Variants in KRT78 observed in about 807,000 individuals in gnomAD.
The protein encoded by KRT78 is keratin 78, also known as keratin, type II cytoskeletal 78.
A neutral mutation model predicts 51.4 loss-of-function variants in KRT78; 55 were observed. The observed-to-expected ratio is 1.07, with a 90% CI of 0.86 to 1.34. The LOEUF is 1.34. Ranked by LOEUF, KRT78 falls within the 40% of genes most tolerant of loss-of-function variation. The probability of loss-of-function intolerance (pLI) is 0.00; values close to 1 mark genes in which losing one functional copy is unlikely to be tolerated. For missense variants in KRT78, 652 were observed against 649.4 expected (o/e 1.00, Z -0.04); for synonymous variants, 291 against 264.3 (o/e 1.10, Z -0.98).
In KRT78 at chr12:52,844,574, G is replaced by GGCCTCA. The variant is rs1940595159; in HGVS notation, c.900_905dup (p.Glu301_Ala302dup). On this transcript the variant is annotated inframe_insertion, in exon 5 of 9. Coordinates refer to ENST00000304620, the MANE Select transcript of KRT78 (RefSeq NM_173352.4). ...GTCCCACCACCTTGGTCTGGTACAA[G>GGCCTCA]GCCTCAGCCTCAGCCTTGCTGCTCC... 2.5e-6 allele frequency: 4 copies of GGCCTCA among 1,613,628 alleles called. No individual in the cohort carries two copies. Among genetic ancestry groups the GGCCTCA allele is most frequent in the Non-Finnish European group, 3.4e-6 (4 of 1,179,708 alleles).
chr12:52,844,161 C>A lies in KRT78; in HGVS notation c.979G>T (p.Val327Phe). ...TCTTGGTGTAGCTGAGAGATCTGGA[C>A]TTTCGTTTCCTGCATCCTGTCCCCA... ...LHGDRMQETKVQISQLHQEIQ... is the reference protein window; with the variant it reads ...LHGDRMQETKFQISQLHQEIQ... The change falls in exon 6 of 9, where the codon GTC (valine) becomes TTC (phenylalanine). Residue 327 changes from valine to phenylalanine, a missense_variant. Coordinates refer to ENST00000304620, the MANE Select transcript of KRT78 (RefSeq NM_173352.4). 1 of 1,611,996 alleles carries A rather than the reference C, an allele frequency of 6.2e-7. No individual in the cohort carries two copies. Among genetic ancestry groups the A allele is most frequent in the South Asian group, 1.1e-5 (1 of 90,718 alleles).
rs995393095 is a variant in KRT78 at position 52,838,946 on chromosome 12, C to A, written c.*167G>T. The A allele has an allele frequency of 2.6e-6, 2 of 777,632 alleles. No homozygotes were observed. Among genetic ancestry groups the A allele is most frequent in the African/African-American group, 3.5e-5 (2 of 57,806 alleles). The allele number at this position is 777,632 out of a possible 1,614,324, so 48.2% of individuals were successfully genotyped here. On this transcript the variant is annotated 3_prime_UTR_variant, in exon 9 of 9. Transcript: ENST00000304620. ...TGTTTTGCTGGGTGAGGTGTGCAAGCACTTAGAGCATTCAGAACAGCAGGA... is the reference window on the plus strand; with the variant it reads ...TGTTTTGCTGGGTGAGGTGTGCAAGAACTTAGAGCATTCAGAACAGCAGGA...
chr12:52,844,307 T>A, intron 5 of KRT78, 89 bp from the exon 6 acceptor site: 1 of 1,421,706 alleles, frequency 7.0e-7, no homozygotes, highest in Non-Finnish European at 9.5e-7. Context: ...CTCTCACTCC[T>A]TATTTGGAGT....
intron 4 of KRT78, among the ~76,000 whole-genome samples, chr12:52,845,342 C>A (rs930398242): frequency 6.6e-6 from 1 of 152,132 alleles, no homozygotes; most frequent in East Asian, 1.9e-4. Flanking sequence ...CTCCCTCTCG[C>A]TCCTACTACT....
rs1054974869 is a variant in KRT78 at position 52,839,903 on chromosome 12, C to G, written c.1129G>C (p.Glu377Gln). 6.2e-7 allele frequency: 1 copy of G among 1,614,092 alleles called. No individual in the cohort carries two copies. The highest frequency in any genetic ancestry group is 8.5e-7 in the Non-Finnish European group (1 of 1,180,020). Residue 377 changes from glutamate to glutamine, a missense_variant, in exon 7 of 9, where the codon GAG becomes CAG. Coordinates refer to ENST00000304620, the MANE Select transcript of KRT78 (RefSeq NM_173352.4). The stretch of plus-strand genomic sequence containing the variant: ...GCCATCCTCAGAGCAGCCTCCAGCT[C>G]GTCCACCTTGGCCTGAGCGTCCTTG... ...ALKDAQAKVDELEAALRMAKQ... is the reference protein window; with the variant it reads ...ALKDAQAKVDQLEAALRMAKQ...
At position 52,844,546 on chromosome 12, in the gene KRT78, C is replaced by A; in HGVS notation, c.921+13G>T. The A allele has an allele frequency of 6.2e-7, 1 of 1,609,696 alleles. No individual in the cohort carries two copies. On this transcript the variant is annotated intron_variant, in intron 5 of 8. Transcript: ENST00000304620. ...CCATTTCCAGCATGGTGCTGCCCCC[C>A]AGGTCCCACCACCTTGGTCTGGTAC...
intron 6 of KRT78, among the ~76,000 whole-genome samples, chr12:52,842,962 G>GAGAGAGAGAGAGAGAGA (rs1565698736): frequency 4.0e-5 from 1 of 25,222 alleles, no homozygotes; most frequent in African/African-American, 1.9e-4. Flanking sequence ...AGAGAGAGAG[G>GAGAGAGAGAGAGAGAGA]AAGGAAGGAA....
intron 4 of KRT78, among the ~76,000 whole-genome samples, chr12:52,845,090 A>T (rs1940610368): frequency 6.8e-6 from 1 of 146,000 alleles, no homozygotes; most frequent in Non-Finnish European, 1.5e-5. Flanking sequence ...ATCTCGGCTC[A>T]CTGTAACCTC....
Position 52,838,986 on chromosome 12 carries a change from G to T in KRT78, c.*127C>A. On this transcript the variant is annotated 3_prime_UTR_variant, in exon 9 of 9. Coordinates refer to ENST00000304620, the MANE Select transcript of KRT78 (RefSeq NM_173352.4). ...GAACAGCAGGAGGGGAGACTTTATT[G>T]ATTTTTGCAGCATCCGCTGTGGGCT... The T allele has an allele frequency of 8.8e-7, 1 of 1,135,856 alleles. No individual in the cohort carries two copies. Among genetic ancestry groups the T allele is most frequent in the Non-Finnish European group, 1.2e-6 (1 of 810,206 alleles). The allele number at this position is 1,135,856 out of a possible 1,614,324, so 70.4% of individuals were successfully genotyped here.
At chr12:52,848,414 G>A in intron 1 of KRT78, 133 bp downstream of exon 1, 2 of 1,424,488 alleles carry the variant, frequency 1.4e-6, no homozygotes, top group Non-Finnish European at 1.9e-6. Flanking sequence ...TTAGTCCACA[G>A]GAGGGACTTC....
rs760549337 is a variant in KRT78 at position 52,844,226 on chromosome 12, G to A, written c.922-8C>T. On this transcript the variant is annotated splice_region_variant and splice_polypyrimidine_tract_variant and intron_variant, in intron 5 of 8. Coordinates refer to ENST00000304620, the MANE Select transcript of KRT78 (RefSeq NM_173352.4). Reference sequence around the variant, plus strand: ...CACCTGAAGTTCCTGGTACTGAGAGGGGAACAGAGGGGACACCATTAGTTG... The same window carrying A: ...CACCTGAAGTTCCTGGTACTGAGAGAGGAACAGAGGGGACACCATTAGTTG... The A allele has an allele frequency of 6.3e-7, 1 of 1,582,332 alleles. No individual in the cohort carries two copies. The highest frequency in any genetic ancestry group is 8.5e-7 in the Non-Finnish European group (1 of 1,170,342).
Position 52,848,842 on chromosome 12 carries a change from A to T in KRT78, c.89T>A (p.Phe30Tyr), listed in dbSNP as rs780801966. 32 of 1,611,162 alleles carry T rather than the reference A, an allele frequency of 2.0e-5. No homozygotes were observed. The highest frequency in any genetic ancestry group is 2.6e-5 in the Non-Finnish European group (31 of 1,179,746). The part of the protein sequence containing the change: ...ARSRGRSRGG[F>Y]SSRGGFSSRS... ...GCTGCTGAAGCCGCCCCTGCTGCTG[A>T]AGCCTCCCCTGCTGCGGCCCCTTGA... The change falls in exon 1 of 9, where the codon TTC (phenylalanine) becomes TAC (tyrosine). Residue 30 changes from phenylalanine (F) to tyrosine (Y), a missense_variant. Coordinates refer to ENST00000304620, the MANE Select transcript of KRT78 (RefSeq NM_173352.4).
chr12:52,845,999 G>GTTATTCATTGATGTGTCCT, intron 4 of KRT78, 198 bp downstream of exon 4: 1 of 539,522 alleles, frequency 1.9e-6, no homozygotes, highest in Non-Finnish European at 3.3e-6. Flanking sequence ...TTTTTTTCTG[G>GTTATTCATTGATGTGTCCT]TTATTCATTG....
rs61754161 is a variant in KRT78 at position 52,848,811 on chromosome 12, G to A, written c.120C>T (p.Ser40=). The A allele has an allele frequency of 1.1e-3, 1,786 of 1,613,508 alleles. 3 individuals are homozygous for A. The highest frequency in any genetic ancestry group is 1.9e-3 in the East Asian group (85 of 44,850). ...CCAGGCACCCCCCAAAGGAATTAAG[G>A]CTCCTGCTGCTGAAGCCGCCCCTGC... is the stretch of plus-strand genomic sequence containing the variant. The part of the protein sequence containing the change: ...FSSRGGFSSR[S]LNSFGGCLEG... Residue 40 remains serine (S), a synonymous_variant, in exon 1 of 9, where the codon AGC becomes AGT. Coordinates refer to ENST00000304620, the MANE Select transcript of KRT78 (RefSeq NM_173352.4).
At chr12:52,844,814 T>C in intron 4 of KRT78, 91 bp from the exon 5 acceptor site, 1 of 1,264,208 alleles carries the variant, frequency 7.9e-7, no homozygotes, top group Non-Finnish European at 1.1e-6. Flanking sequence ...GAATTTCTGC[T>C]TACATGCCAT....
chr12:52,847,909 G>A lies in KRT78; in HGVS notation c.597C>T (p.Ser199=), dbSNP rs775703272. ...TGGGGAAATTTCAGTGTGCCTACTTGGACTTATACTCCTCCTCCTGGTCCC... is the reference window on the plus strand; with the variant it reads ...TGGGGAAATTTCAGTGTGCCTACTTAGACTTATACTCCTCCTCCTGGTCCC... The part of the protein sequence containing the change: ...ACRDQEEEYK[S]KYEEEAHRRA... Residue 199 remains serine, a splice_region_variant and synonymous_variant, in exon 2 of 9, where the codon TCC becomes TCT. Transcript: ENST00000304620. 1.9e-6 allele frequency: 3 copies of A among 1,613,680 alleles called. No homozygotes were observed. The African/African-American group carries it at 4.0e-5, about 22-fold the overall frequency.
rs763996062 is a variant in KRT78 at position 52,846,807 on chromosome 12, T to C, written c.617A>G (p.His206Arg). ...GTCGTTCTCAAGTGTGGCACGCCTG[T>C]GGGCCTCCTCCTCATACCTGCCAAA... is the stretch of plus-strand genomic sequence containing the variant. ...EYKSKYEEEA[H>R]RRATLENDFV... The change falls in exon 3 of 9, where the codon CAC becomes CGC. Residue 206 changes from histidine (H) to arginine (R), a missense_variant. Physicochemically the swap from His to Arg is conservative, Grantham distance 29 (BLOSUM62 0). Transcript: ENST00000304620. 4.5e-5 allele frequency: 73 copies of C among 1,613,668 alleles called. No homozygotes were observed. The highest frequency in any genetic ancestry group is 6.7e-5 in the Admixed American group (4 of 59,938).
At position 52,844,193 on chromosome 12, in the gene KRT78, T is replaced by G. The variant is rs746370723; in HGVS notation, c.947A>C (p.Gln316Pro). 1.3e-5 allele frequency: 21 copies of G among 1,605,706 alleles called. No individual in the cohort carries two copies. Among genetic ancestry groups the G allele is most frequent in the Non-Finnish European group, 1.6e-5 (19 of 1,177,958 alleles). ...TTCCTGCATCCTGTCCCCATGAAGC[T>G]GGGCAGACACCTGAAGTTCCTGGTA... ...TKYQELQVSAQLHGDRMQETK... is the reference protein window; with the variant it reads ...TKYQELQVSAPLHGDRMQETK... The change falls in exon 6 of 9, where the codon CAG becomes CCG. Residue 316 changes from glutamine to proline, a missense_variant. Transcript: ENST00000304620.
intron 6 of KRT78, among the ~76,000 whole-genome samples, chr12:52,841,022 G>C (rs373094118): frequency 6.6e-6 from 1 of 151,884 alleles, no homozygotes; most frequent in Admixed American, 6.6e-5. Context: ...CCCAGCCCTC[G>C]GCACCTCTCC....
Sources: allele counts gnomAD v4.1 joint callset (sites outside exome capture counted in the v4.1 genomes callset), GRCh38; gene constraint gnomAD v4.1.1; transcripts MANE v1.5; gene names NCBI Gene and HGNC (gene_info 2026-07-23, HGNC 2026-07-21).